SMIM31: variants seen among roughly 807,000 people sequenced by gnomAD.
The protein encoded by SMIM31 is human epithelial cell program regulator.
At chr4:164,770,003 A>G (rs1387851902) in intron 1 of SMIM31, among the ~76,000 whole-genome samples, 1 of 152,206 alleles carries the variant, frequency 6.6e-6, no homozygotes, top group Non-Finnish European at 1.5e-5. Flanking sequence ...CATTTATGAA[A>G]TGGAGACAAT....
intron 1 of SMIM31, among the ~76,000 whole-genome samples, chr4:164,759,976 T>C (rs1017983271): frequency 1.3e-5 from 2 of 151,932 alleles, no homozygotes; most frequent in Non-Finnish European, 2.9e-5. Context: ...AGCAAAGGCT[T>C]GAAGGAGGTA....
intron 1 of SMIM31, among the ~76,000 whole-genome samples, chr4:164,758,256 G>A (rs1401312160): frequency 6.6e-6 from 1 of 152,068 alleles, no homozygotes; most frequent in East Asian, 1.9e-4. Context: ...CTAAATTCTA[G>A]TAGTTACCTT....
rs115345047 is a variant in SMIM31, at chr4:164,801,113, A to C, written c.135A>C (p.Gly45=). The C allele has an allele frequency of 8.7e-3, 3,454 of 398,976 alleles. 24 individuals are homozygous for C. Among genetic ancestry groups the C allele is most frequent in the Non-Finnish European group, 0.012 (2,825 of 226,030 alleles). 24.7% of individuals were successfully genotyped at this position (398,976 alleles called of 1,614,324 possible). A position where few individuals can be genotyped will look rare whatever the true frequency, so the allele number is the denominator to read the frequency against. The change falls in exon 3 of 3, where the codon GGA becomes GGC. Residue 45 remains glycine (G), a synonymous_variant. Transcript: ENST00000507311. ...CAGAGGAAGAACATGAAAAAAAGGGAAGGGAAAAGAAAAGGAAAAAGTCTG... is the reference window on the plus strand; with the variant it reads ...CAGAGGAAGAACATGAAAAAAAGGGCAGGGAAAAGAAAAGGAAAAAGTCTG... The part of the protein sequence containing the change: ...SNEEEEHEKK[G]REKKRKKSEK...
intron 1 of SMIM31, among the ~76,000 whole-genome samples, chr4:164,756,886 T>C (rs777721704): frequency 1.3e-5 from 2 of 152,198 alleles, no homozygotes; most frequent in Non-Finnish European, 2.9e-5. Flanking sequence ...AAGCCTGCTA[T>C]GGGAGATAAG....
At chr4:164,797,917 A>G (rs1733226000) in intron 2 of SMIM31, among the ~76,000 whole-genome samples, 1 of 152,050 alleles carries the variant, frequency 6.6e-6, no homozygotes, top group African/African-American at 2.4e-5. Context: ...CCTAATGTCT[A>G]TTACTCCACT....
chr4:164,780,810 T>C (rs986590774), intron 2 of SMIM31, among the ~76,000 whole-genome samples: 5 of 152,178 alleles, frequency 3.3e-5, no homozygotes, highest in African/African-American at 1.2e-4. Context: ...TACTACTTTT[T>C]TTAATTTTTA....
chr4:164,788,996 C>A (rs567613262), intron 2 of SMIM31, among the ~76,000 whole-genome samples: 1 of 151,714 alleles, frequency 6.6e-6, no homozygotes, highest in Admixed American at 6.6e-5. Flanking sequence ...ATTAATGGAA[C>A]TTTAGATTTA....
intron 2 of SMIM31, among the ~76,000 whole-genome samples, chr4:164,798,230 A>ATTTTT (rs70952644): frequency 6.8e-6 from 1 of 146,946 alleles, no homozygotes; most frequent in Non-Finnish European, 1.5e-5. Flanking sequence ...AATGATTTTT[A>ATTTTT]TTTTTTTTTT....
At chr4:164,797,102 A>G (rs1733207522) in intron 2 of SMIM31, among the ~76,000 whole-genome samples, 2 of 152,082 alleles carry the variant, frequency 1.3e-5, no homozygotes, top group Non-Finnish European at 2.9e-5. Flanking sequence ...ATTCACATAC[A>G]TCACTCCTCA....
At chr4:164,759,140 C>A (rs752819485) in intron 1 of SMIM31, among the ~76,000 whole-genome samples, 2 of 151,968 alleles carry the variant, frequency 1.3e-5, no homozygotes, top group Non-Finnish European at 2.9e-5. Context: ...TGTTTATGTA[C>A]ATTAAGAATA....
chr4:164,772,401 G>A (rs998308372), intron 2 of SMIM31, among the ~76,000 whole-genome samples: 3 of 152,054 alleles, frequency 2.0e-5, no homozygotes, highest in Non-Finnish European at 2.9e-5. Flanking sequence ...ATTTCAACAT[G>A]AGATTCGGGA....
intron 2 of SMIM31, among the ~76,000 whole-genome samples, chr4:164,796,457 C>T (rs927042061): frequency 6.6e-5 from 10 of 152,190 alleles, no homozygotes; most frequent in Non-Finnish European, 1.3e-4. Flanking sequence ...TATCGGTACA[C>T]ATTCCCTTGG....
At chr4:164,796,159 C>T (rs180930825) in intron 2 of SMIM31, among the ~76,000 whole-genome samples, 1 of 152,318 alleles carries the variant, frequency 6.6e-6, no homozygotes, top group East Asian at 1.9e-4. Context: ...AGGAGATGCA[C>T]TATTTCTATT....
chr4:164,802,857 C>T lies in SMIM31; in HGVS notation c.*1663C>T, dbSNP rs1733304946. 6.6e-6 allele frequency: 1 copy of T among 152,214 alleles called. No homozygotes were observed. The highest frequency in any genetic ancestry group is 6.5e-5 in the Admixed American group (1 of 15,282). The allele number at this position is 152,214 out of a possible 1,614,324, so 9.4% of individuals were successfully genotyped here. A position where few individuals can be genotyped will look rare whatever the true frequency, so the allele number is the denominator to read the frequency against. ...AGAGTACTAAACATTTAAAAGGGCT[C>T]ACTAAGTTAGAGAGGACAGAGAATG... is the stretch of plus-strand genomic sequence containing the variant. On this transcript the variant is annotated 3_prime_UTR_variant, in exon 3 of 3. Coordinates refer to ENST00000507311, the MANE Select transcript of SMIM31 (RefSeq NM_001352885.1).
intron 2 of SMIM31, among the ~76,000 whole-genome samples, chr4:164,774,352 TGTAAG>T: frequency 6.6e-6 from 1 of 152,236 alleles, no homozygotes; most frequent in East Asian, 1.9e-4. Flanking sequence ...AAAAATCTGA[TGTAAG>T]GGAAGGTAAA....
chr4:164,777,061 C>T (rs1349168056), intron 2 of SMIM31, among the ~76,000 whole-genome samples: 1 of 152,170 alleles, frequency 6.6e-6, no homozygotes, highest in Non-Finnish European at 1.5e-5. Flanking sequence ...TCATAAACCT[C>T]CTTCTTGAAA....
At chr4:164,765,571 A>G (rs11732101) in intron 1 of SMIM31, among the ~76,000 whole-genome samples, 54,179 of 150,586 alleles carry the variant, frequency 0.36, 11,835 homozygotes, top group Non-Finnish European at 0.48. Flanking sequence ...CATTCAATGC[A>G]GCAGGTGAGT....
intron 2 of SMIM31, among the ~76,000 whole-genome samples, chr4:164,772,871 C>T (rs756228506): frequency 2.0e-5 from 3 of 151,790 alleles, no homozygotes; most frequent in African/African-American, 2.4e-5. Flanking sequence ...AGCCACCGCG[C>T]CCGGCCGGAC....
intron 2 of SMIM31, among the ~76,000 whole-genome samples, chr4:164,792,972 C>T (rs2110960058): frequency 6.6e-6 from 1 of 152,234 alleles, no homozygotes; most frequent in Non-Finnish European, 1.5e-5. Flanking sequence ...TCAAAAGGGT[C>T]TCCTCTTCAA....
Sources: allele counts gnomAD v4.1 joint callset (sites outside exome capture counted in the v4.1 genomes callset), GRCh38; gene constraint gnomAD v4.1.1; transcripts MANE v1.5; gene names NCBI Gene and HGNC (gene_info 2026-07-23, HGNC 2026-07-21).